The following RAP1GDS1 variants were observed in gnomAD, a reference collection of about 807,000 sequenced individuals.
RAP1GDS1 encodes the protein RAP1, GTP-GDP dissociation stimulator 1.
A neutral mutation model predicts 71.1 loss-of-function variants in RAP1GDS1; 35 were observed. The observed-to-expected ratio is 0.49, with a 90% CI of 0.38 to 0.65. RAP1GDS1 has a LOEUF of 0.65. RAP1GDS1 is among the 30% of genes least tolerant of loss of function. The pLI, the probability that RAP1GDS1 is intolerant of heterozygous loss-of-function variation, is 0.00. For synonymous variants in RAP1GDS1, 229 were observed against 243.1 expected, an observed-to-expected ratio of 0.94 and a Z score of 0.54; for missense variants, 663 against 706.1, an observed-to-expected ratio of 0.94 and a Z score of 0.69.
intron 2 of RAP1GDS1, among the ~76,000 whole-genome samples, chr4:98,307,988 T>C (rs1409365803): frequency 6.6e-6 from 1 of 152,008 alleles, no homozygotes; most frequent in Non-Finnish European, 1.5e-5. Flanking sequence ...TAAAAGTTCT[T>C]TTTCAGTTTA....
At chr4:98,344,381 T>G (rs1446385829) in intron 3 of RAP1GDS1, among the ~76,000 whole-genome samples, 2 of 152,198 alleles carry the variant, frequency 1.3e-5, no homozygotes, top group Non-Finnish European at 2.9e-5. Flanking sequence ...AGTCTTTTAT[T>G]TTTAACTTTG....
intron 6 of RAP1GDS1, among the ~76,000 whole-genome samples, chr4:98,404,107 T>A (rs1342679397): frequency 2.0e-5 from 3 of 152,194 alleles, no homozygotes; most frequent in Admixed American, 2.0e-4. Context: ...TCAGGACCAG[T>A]GTAGAAAACA....
intron 2 of RAP1GDS1, among the ~76,000 whole-genome samples, chr4:98,334,295 C>A (rs568150850): frequency 6.6e-6 from 1 of 150,948 alleles, no homozygotes; most frequent in Non-Finnish European, 1.5e-5. Flanking sequence ...GTTTCTATAG[C>A]AGTTTAAAAA....
chr4:98,373,689 C>T (rs1448658668), intron 4 of RAP1GDS1, among the ~76,000 whole-genome samples: 1 of 152,136 alleles, frequency 6.6e-6, no homozygotes, highest in Non-Finnish European at 1.5e-5. Flanking sequence ...AGTACCAAAC[C>T]TGTATATATC....
chr4:98,387,568 AT>A (rs1364669041), intron 5 of RAP1GDS1: 1 of 418,826 alleles, frequency 2.4e-6, no homozygotes, highest in Non-Finnish European at 5.0e-6. Context: ...ATGCATCTGT[AT>A]TGCACCCCCT....
intron 2 of RAP1GDS1, among the ~76,000 whole-genome samples, chr4:98,333,688 A>T (rs1578480464): frequency 6.6e-6 from 1 of 152,216 alleles, no homozygotes; most frequent in East Asian, 1.9e-4. Context: ...TTTAACAATT[A>T]TACCTAGATT....
chr4:98,294,431 C>T (rs1174651505), intron 2 of RAP1GDS1, among the ~76,000 whole-genome samples: 1 of 151,898 alleles, frequency 6.6e-6, no homozygotes, highest in Non-Finnish European at 1.5e-5. Flanking sequence ...CAAAAAAGCA[C>T]ATTTTAGAGC....
chr4:98,280,010 G>A (rs184021639), intron 1 of RAP1GDS1, among the ~76,000 whole-genome samples: 5 of 152,102 alleles, frequency 3.3e-5, no homozygotes, highest in African/African-American at 1.2e-4. Context: ...GTCTATCATT[G>A]GTGGACATTT....
At chr4:98,408,642 T>C (rs1342244789) in intron 7 of RAP1GDS1, among the ~76,000 whole-genome samples, 1 of 152,032 alleles carries the variant, frequency 6.6e-6, no homozygotes, top group African/African-American at 2.4e-5. Flanking sequence ...GATCCAAAAT[T>C]CCTCCTAAAA....
intron 4 of RAP1GDS1, among the ~76,000 whole-genome samples, chr4:98,353,979 G>A (rs944069120): frequency 1.3e-5 from 2 of 151,956 alleles, no homozygotes; most frequent in African/African-American, 2.4e-5. Context: ...CATGTACTTG[G>A]AGAGTACTGA....
At chr4:98,391,670 G>A (rs1412014664) in intron 5 of RAP1GDS1, among the ~76,000 whole-genome samples, 1 of 151,856 alleles carries the variant, frequency 6.6e-6, no homozygotes, top group Non-Finnish European at 1.5e-5. Flanking sequence ...GCTTTTTAAT[G>A]GTATAAGACC....
At chr4:98,279,968 A>G (rs765069268) in intron 1 of RAP1GDS1, among the ~76,000 whole-genome samples, 4 of 152,220 alleles carry the variant, frequency 2.6e-5, no homozygotes, top group Admixed American at 6.5e-5. Flanking sequence ...ATAGTAATCC[A>G]TGGTGTATAT....
At chr4:98,382,669 C>T (rs1742183297) in intron 5 of RAP1GDS1, among the ~76,000 whole-genome samples, 1 of 151,540 alleles carries the variant, frequency 6.6e-6, no homozygotes, top group Admixed American at 6.6e-5. Context: ...AGTCATCCAG[C>T]TGTTTTCAAA....
chr4:98,371,080 T>C (rs1356527871), intron 4 of RAP1GDS1, among the ~76,000 whole-genome samples: 3 of 152,142 alleles, frequency 2.0e-5, no homozygotes, highest in Non-Finnish European at 2.9e-5. Context: ...AAGCTCTGTT[T>C]GTAGGCATTT....
At chr4:98,369,517 G>A (rs550257641) in intron 4 of RAP1GDS1, among the ~76,000 whole-genome samples, 1 of 152,200 alleles carries the variant, frequency 6.6e-6, no homozygotes, top group African/African-American at 2.4e-5. Context: ...TCCAAACAAT[G>A]GAATACTATT....
rs559471455 is a variant in RAP1GDS1 at position 98,280,342 on chromosome 4, C to A, written c.5-13066C>A. Among the ~76,000 whole-genome samples the A allele has an allele frequency of 9.9e-5, 15 of 152,274 alleles. No homozygotes were observed. In the South Asian group the frequency reaches 2.7e-3, roughly 27 times the overall value. ...GGTATCTCATTGTGGCATTGATTTG[C>A]GTTTCTCTGATGACTAGTGATGATG... On this transcript the variant is annotated intron_variant, in intron 1 of 14. Transcript: ENST00000408927.
At chr4:98,388,290 C>T (rs1470650159) in intron 5 of RAP1GDS1, among the ~76,000 whole-genome samples, 19 of 152,156 alleles carry the variant, frequency 1.2e-4, no homozygotes. Flanking sequence ...TGTTATTTCT[C>T]TGAAAATATC....
At chr4:98,294,421 C>CA (rs202168826) in intron 2 of RAP1GDS1, among the ~76,000 whole-genome samples, 1 of 151,700 alleles carries the variant, frequency 6.6e-6, no homozygotes, top group Non-Finnish European at 1.5e-5. Flanking sequence ...TACTTTTCAT[C>CA]AAAAAAGCAC....
chr4:98,348,273 T>C (rs932459460), intron 3 of RAP1GDS1, among the ~76,000 whole-genome samples: 2 of 152,182 alleles, frequency 1.3e-5, no homozygotes, highest in Non-Finnish European at 2.9e-5. Flanking sequence ...CCTTCATCCA[T>C]GTCCCTACAA....
Sources: gnomAD v4.1 joint callset for allele counts (sites outside exome capture counted in the v4.1 genomes callset) on GRCh38, gnomAD v4.1.1 for gene constraint, MANE v1.5 for transcripts, NCBI Gene and HGNC (gene_info 2026-07-23, HGNC 2026-07-21) for gene names.